SAMD4A: variants seen among roughly 807,000 people sequenced by gnomAD.
SAMD4A encodes the protein protein Smaug homolog 1.
A neutral mutation model predicts 81.3 loss-of-function variants in SAMD4A; 33 were observed. The observed-to-expected ratio is 0.41, with a 90% CI of 0.31 to 0.54. SAMD4A has a LOEUF of 0.54. Ranked by LOEUF, SAMD4A falls within the 20% of genes least tolerant of loss-of-function variation. The pLI is 0.37. For missense variants in SAMD4A, 854 were observed against 951.1 expected, an observed-to-expected ratio of 0.90 and a Z score of 1.34; for synonymous variants, 389 against 382.1, an observed-to-expected ratio of 1.02 and a Z score of -0.21.
chr14:54,743,443 G>A (rs1402485244), intron 4 of SAMD4A, among the ~76,000 whole-genome samples: 2 of 152,246 alleles, frequency 1.3e-5, no homozygotes, highest in Middle Eastern at 3.4e-3. Flanking sequence ...CCCCAAATTC[G>A]AAAAGTCCTG....
intron 9 of SAMD4A, among the ~76,000 whole-genome samples, chr14:54,774,441 C>A (rs1298810168): frequency 1.3e-5 from 2 of 152,126 alleles, no homozygotes; most frequent in Non-Finnish European, 2.9e-5. Flanking sequence ...CAGTGGCTCA[C>A]GCCTGTAATC....
chr14:54,611,992 C>A (rs1444181390), intron 2 of SAMD4A, among the ~76,000 whole-genome samples: 8 of 152,064 alleles, frequency 5.3e-5, no homozygotes, highest in Non-Finnish European at 5.9e-5. Context: ...CATGCCGTCA[C>A]CCTGATTGAC....
intron 4 of SAMD4A, among the ~76,000 whole-genome samples, chr14:54,747,960 T>C (rs1384063593): frequency 1.3e-5 from 2 of 152,262 alleles, no homozygotes; most frequent in Non-Finnish European, 2.9e-5. Flanking sequence ...CTGTGGATTT[T>C]CAATGCAGTT....
chr14:54,617,475 T>TC (rs1364132729), intron 2 of SAMD4A, among the ~76,000 whole-genome samples: 1 of 151,816 alleles, frequency 6.6e-6, no homozygotes, highest in Middle Eastern at 3.2e-3. Context: ...CTTTCCCTTT[T>TC]TTTTTCAGAG....
At chr14:54,714,034 G>T (rs74977199) in intron 3 of SAMD4A, among the ~76,000 whole-genome samples, 2,729 of 152,322 alleles carry the variant, frequency 0.018, 30 homozygotes, top group Non-Finnish European at 0.027. Context: ...GCTGTTTAAA[G>T]AAGGGAATCA....
chr14:54,686,205 G>GT (rs2036264580), intron 2 of SAMD4A, among the ~76,000 whole-genome samples: 1 of 152,180 alleles, frequency 6.6e-6, no homozygotes, highest in Non-Finnish European at 1.5e-5. Context: ...GTGAGGATGG[G>GT]GAGTGCTGGG....
At chr14:54,753,339 C>T (rs533406492) in intron 6 of SAMD4A, among the ~76,000 whole-genome samples, 64 of 152,358 alleles carry the variant, frequency 4.2e-4, no homozygotes, top group African/African-American at 1.3e-3. Context: ...TAGAGAATGG[C>T]GATGACTTTT....
chr14:54,738,176 T>C (rs1456625045), intron 4 of SAMD4A, among the ~76,000 whole-genome samples: 2 of 152,180 alleles, frequency 1.3e-5, no homozygotes, highest in South Asian at 2.1e-4. Flanking sequence ...TCTGAGAACA[T>C]CCTGTTTGCT....
At chr14:54,764,654 A>G (rs776008277) in intron 8 of SAMD4A, 114 bp downstream of exon 8, 11 of 681,638 alleles carry the variant, frequency 1.6e-5, no homozygotes, top group Non-Finnish European at 2.8e-5. Flanking sequence ...TGAGTGGTGG[A>G]CAGTTATTAA....
chr14:54,784,294 C>G, intron 11 of SAMD4A: 1 of 1,460,620 alleles, frequency 6.8e-7, no homozygotes, highest in Non-Finnish European at 9.4e-7. Flanking sequence ...AGAGGAGGCA[C>G]AGACTGTGAC....
At chr14:54,612,755 T>C (rs998906861) in intron 2 of SAMD4A, among the ~76,000 whole-genome samples, 1 of 152,140 alleles carries the variant, frequency 6.6e-6, no homozygotes, top group Admixed American at 6.6e-5. Context: ...GGGGCTAAAA[T>C]TGGCATAGAA....
At chr14:54,606,280 C>T (rs1016747818) in intron 2 of SAMD4A, among the ~76,000 whole-genome samples, 1 of 152,052 alleles carries the variant, frequency 6.6e-6, no homozygotes, top group Non-Finnish European at 1.5e-5. Context: ...GGGCCTGCCT[C>T]ATCTGGTTTC....
At chr14:54,781,013 C>A (rs969628239) in intron 11 of SAMD4A, among the ~76,000 whole-genome samples, 5 of 152,136 alleles carry the variant, frequency 3.3e-5, no homozygotes, top group African/African-American at 1.2e-4. Flanking sequence ...TTACTCATCT[C>A]ATCACAGCAG....
chr14:54,667,279 G>A (rs996732944), intron 2 of SAMD4A, among the ~76,000 whole-genome samples: 1 of 152,180 alleles, frequency 6.6e-6, no homozygotes, highest in Non-Finnish European at 1.5e-5. Context: ...AGTGACCTCA[G>A]CTCAATATCC....
At chr14:54,679,284 T>C (rs1034480548) in intron 2 of SAMD4A, among the ~76,000 whole-genome samples, 1 of 152,226 alleles carries the variant, frequency 6.6e-6, no homozygotes, top group Non-Finnish European at 1.5e-5. Flanking sequence ...ATGAGCAGTA[T>C]CCCTTATCAC....
chr14:54,786,458 CA>C (rs1373291949), intron 12 of SAMD4A, among the ~76,000 whole-genome samples: 1 of 152,210 alleles, frequency 6.6e-6, no homozygotes, highest in Admixed American at 6.5e-5. Context: ...GCAAATATTT[CA>C]ATTAAAAGTA....
rs371690457 is a variant in SAMD4A at position 54,647,228 on chromosome 14, T to G, written c.197-54834T>G. Among the ~76,000 whole-genome samples, 7 of 152,364 alleles carry G rather than the reference T, an allele frequency of 4.6e-5. No individual in the cohort carries two copies. In the South Asian group the frequency reaches 1.4e-3, roughly 32 times the overall value. The stretch of plus-strand genomic sequence containing the variant: ...ATCATCATCAACTAATATTAATGAG[T>G]GGTCATTATGAACCAACCATTGCTA... On this transcript the variant is annotated intron_variant, in intron 2 of 12. Coordinates refer to ENST00000554335, the MANE Select transcript of SAMD4A (RefSeq NM_015589.6).
At chr14:54,756,587 A>G (rs2038244098) in intron 6 of SAMD4A, among the ~76,000 whole-genome samples, 1 of 152,218 alleles carries the variant, frequency 6.6e-6, no homozygotes, top group African/African-American at 2.4e-5. Flanking sequence ...GACAGGGCTC[A>G]GCAGCTGATG....
At chr14:54,677,719 C>T (rs1274954360) in intron 2 of SAMD4A, among the ~76,000 whole-genome samples, 1 of 152,186 alleles carries the variant, frequency 6.6e-6, no homozygotes, top group Non-Finnish European at 1.5e-5. Flanking sequence ...CTCCATAACC[C>T]ACACATTCTC....
Sources: allele counts gnomAD v4.1 joint callset (sites outside exome capture counted in the v4.1 genomes callset), GRCh38; gene constraint gnomAD v4.1.1; transcripts MANE v1.5; gene names NCBI Gene and HGNC (gene_info 2026-07-23, HGNC 2026-07-21).